The following SH3GLB1 variants were observed in gnomAD, a reference collection of about 807,000 sequenced individuals.
SH3GLB1 encodes the protein endophilin-B1.
In SH3GLB1, 17 loss-of-function variants were observed where a neutral mutation model predicts 42.0. The ratio of observed to expected loss-of-function variants is 0.40; its 90% CI spans 0.28 to 0.61. SH3GLB1 has a LOEUF of 0.61. SH3GLB1 is among the 20% of genes least tolerant of loss of function. The pLI, the probability that SH3GLB1 is intolerant of heterozygous loss-of-function variation, is 0.36. For synonymous variants in SH3GLB1, 132 were observed against 146.6 expected (o/e 0.90, Z 0.72); for missense variants, 355 against 426.3 (o/e 0.83, Z 1.47).
At chr1:86,733,307 C>T in intron 5 of SH3GLB1, among the ~76,000 whole-genome samples, 1 of 152,168 alleles carries the variant, frequency 6.6e-6, no homozygotes, top group East Asian at 1.9e-4. Context: ...GTTACAGCAA[C>T]TGATTATCTA....
chr1:86,713,252 T>C lies in SH3GLB1; in HGVS notation c.73-2472T>C, dbSNP rs187661774. Reference sequence around the variant, plus strand: ...GCACCACCATACCTGGCTAATTTTTTGGATTTTTTTGTAGAGACGTGGTTT... The same window carrying C: ...GCACCACCATACCTGGCTAATTTTTCGGATTTTTTTGTAGAGACGTGGTTT... On this transcript the variant is annotated intron_variant, in intron 1 of 8. Transcript: ENST00000370558. Among the ~76,000 whole-genome samples, 1,079 of 152,194 alleles carry C rather than the reference T, an allele frequency of 7.1e-3. 11 individuals are homozygous for C. Among genetic ancestry groups the C allele is most frequent in the Non-Finnish European group, 7.4e-3 (500 of 68,014 alleles).
intron 5 of SH3GLB1, among the ~76,000 whole-genome samples, chr1:86,724,796 T>C (rs1655066414): frequency 6.7e-6 from 1 of 148,284 alleles, no homozygotes; most frequent in Non-Finnish European, 1.5e-5. Flanking sequence ...ATCTCTTGAG[T>C]GTGGGAGGTG....
At position 86,719,408 on chromosome 1, in the gene SH3GLB1, C is replaced by T; in HGVS notation, c.215-99C>T. ...AGATATGTGCTTGAATGAATGCTAA[C>T]TTTAGGAGATGATAAATGGCTGCTG... On this transcript the variant is annotated intron_variant, in intron 2 of 8. Transcript: ENST00000370558. The T allele has an allele frequency of 5.1e-6, 5 of 988,680 alleles. No homozygotes were observed. The Middle Eastern group carries it at 1.2e-3, about 238-fold the overall frequency. The allele number at this position is 988,680 out of a possible 1,614,324, so 61.2% of individuals were successfully genotyped here. A position where few individuals can be genotyped will look rare whatever the true frequency, so the allele number is the denominator to read the frequency against.
Position 86,704,789 on chromosome 1 carries a change from C to T in SH3GLB1, c.-111C>T, listed in dbSNP as rs1653716284. The T allele has an allele frequency of 1.7e-6, 1 of 583,468 alleles. No homozygotes were observed. Among genetic ancestry groups the T allele is most frequent in the Non-Finnish European group, 2.9e-6 (1 of 347,436 alleles). The allele number at this position is 583,468 out of a possible 1,614,324, so 36.1% of individuals were successfully genotyped here. ...CGGCTGCGGGGCTGGCGCCGCCTCC[C>T]TCCACCTACCACGTCTGCCCTCGCC... On this transcript the variant is annotated 5_prime_UTR_variant, in exon 1 of 9. Coordinates refer to ENST00000370558, the MANE Select transcript of SH3GLB1 (RefSeq NM_016009.5).
Position 86,724,913 on chromosome 1 carries a change from A to AT in SH3GLB1, c.570+508_570+509insT, listed in dbSNP as rs1553208269. 1.5e-3 allele frequency among the ~76,000 whole-genome samples: 188 copies of AT among 122,384 alleles called. 1 individual carries two copies. The highest frequency in any genetic ancestry group is 4.4e-3 in the East Asian group (21 of 4,792). The allele number at this position is 122,384 out of a possible 152,430, so 80.3% of individuals were successfully genotyped here. A position where few individuals can be genotyped will look rare whatever the true frequency, so the allele number is the denominator to read the frequency against. On this transcript the variant is annotated intron_variant, in intron 5 of 8. Transcript: ENST00000370558. Reference sequence around the variant, plus strand: ...AAAAAATATATATATATATATATATAAAATATATAATATATATGTGTGTGT... The same window carrying AT: ...AAAAAATATATATATATATATATATATAAATATATAATATATATGTGTGTGT...
chr1:86,734,056 A>T (rs1040262496), intron 5 of SH3GLB1, among the ~76,000 whole-genome samples: 1 of 152,180 alleles, frequency 6.6e-6, no homozygotes, highest in Non-Finnish European at 1.5e-5. Flanking sequence ...TGTAGGACAA[A>T]GAATCCTTTG....
At position 86,724,874 on chromosome 1, in the gene SH3GLB1, TAAAAA is replaced by T. The variant is rs1165438979; in HGVS notation, c.570+484_570+488del. ...GGGCAACAGAGCCAGACCCTGTCTT[TAAAAA>T]AAAAAAAAAAAAAATATATATATAT... On this transcript the variant is annotated intron_variant, in intron 5 of 8. Transcript: ENST00000370558. 5.0e-3 allele frequency among the ~76,000 whole-genome samples: 490 copies of T among 97,884 alleles called. 25 individuals carry two copies. The highest frequency in any genetic ancestry group is 0.023 in the African/African-American group (466 of 20,240). 64.2% of individuals were successfully genotyped at this position (97,884 alleles called of 152,430 possible). A position where few individuals can be genotyped will look rare whatever the true frequency, so the allele number is the denominator to read the frequency against.
At chr1:86,719,264 A>T (rs891782122) in intron 2 of SH3GLB1, among the ~76,000 whole-genome samples, 1 of 152,212 alleles carries the variant, frequency 6.6e-6, no homozygotes, top group African/African-American at 2.4e-5. Flanking sequence ...TAGAATACTC[A>T]AATAATAATT....
In SH3GLB1 at chr1:86,726,346, T is replaced by C. The variant is rs538265817; in HGVS notation, c.570+1941T>C. Among the ~76,000 whole-genome samples the C allele has an allele frequency of 3.1e-4, 47 of 152,204 alleles. 1 individual carries two copies. The South Asian group carries it at 8.7e-3, about 28-fold the overall frequency. On this transcript the variant is annotated intron_variant, in intron 5 of 8. Transcript: ENST00000370558. Reference sequence around the variant, plus strand: ...TTTAACAGTGTACAAAGTCCTTTAATATTTCTAAATTATTTTACCACTGCT... The same window carrying C: ...TTTAACAGTGTACAAAGTCCTTTAACATTTCTAAATTATTTTACCACTGCT...
chr1:86,717,992 A>T (rs1558303909), intron 2 of SH3GLB1, among the ~76,000 whole-genome samples: 2 of 152,054 alleles, frequency 1.3e-5, no homozygotes, highest in Admixed American at 6.5e-5. Flanking sequence ...TTTTGGCCAG[A>T]TAGGTGGAAA....
intron 1 of SH3GLB1, among the ~76,000 whole-genome samples, chr1:86,707,954 G>A (rs1015974035): frequency 3.3e-5 from 5 of 151,914 alleles, no homozygotes; most frequent in Admixed American, 6.6e-5. Context: ...TGAGATTAGC[G>A]TTTGAATATT....
intron 2 of SH3GLB1, among the ~76,000 whole-genome samples, chr1:86,717,251 A>G (rs1247837633): frequency 6.6e-6 from 1 of 152,242 alleles, no homozygotes; most frequent in Non-Finnish European, 1.5e-5. Context: ...ATTAAAAGTA[A>G]TAGACATTTT....
intron 5 of SH3GLB1, chr1:86,728,580 T>G: frequency 1.6e-6 from 1 of 628,964 alleles, no homozygotes; most frequent in Non-Finnish European, 2.6e-6. Flanking sequence ...ATTGGAACCA[T>G]GTATTCATTT....
At chr1:86,710,693 A>T (rs965664780) in intron 1 of SH3GLB1, among the ~76,000 whole-genome samples, 1 of 152,226 alleles carries the variant, frequency 6.6e-6, no homozygotes, top group Non-Finnish European at 1.5e-5. Flanking sequence ...TAAGTCAATT[A>T]CTTTAATATT....
chr1:86,704,635 C>G lies in SH3GLB1; in HGVS notation c.-265C>G. 3.0e-6 allele frequency: 1 copy of G among 337,180 alleles called. No homozygotes were observed. The highest frequency in any genetic ancestry group is 4.0e-5 in the South Asian group (1 of 24,706). The allele number at this position is 337,180 out of a possible 1,614,324, so 20.9% of individuals were successfully genotyped here. A position where few individuals can be genotyped will look rare whatever the true frequency, so the allele number is the denominator to read the frequency against. ...GTCGCCCGTCCATCTCCGGCTCGCCCGCGGGGCCCATCGTCGACGTTAGCG... is the reference window on the plus strand; with the variant it reads ...GTCGCCCGTCCATCTCCGGCTCGCCGGCGGGGCCCATCGTCGACGTTAGCG... On this transcript the variant is annotated 5_prime_UTR_variant, in exon 1 of 9. Coordinates refer to ENST00000370558, the MANE Select transcript of SH3GLB1 (RefSeq NM_016009.5).
intron 5 of SH3GLB1, chr1:86,730,159 C>T (rs781183886): frequency 2.6e-5 from 41 of 1,557,904 alleles, no homozygotes; most frequent in Admixed American, 1.9e-4. Context: ...ATTTAGTTGA[C>T]GTTGATTCAG....
chr1:86,706,631 C>T (rs962671504), intron 1 of SH3GLB1, among the ~76,000 whole-genome samples: 5 of 152,198 alleles, frequency 3.3e-5, no homozygotes, highest in African/African-American at 1.2e-4. Context: ...TTAACATTGA[C>T]TGCAATAGAG....
intron 7 of SH3GLB1, among the ~76,000 whole-genome samples, chr1:86,740,819 T>G (rs1254672043): frequency 6.6e-6 from 1 of 152,000 alleles, no homozygotes; most frequent in Non-Finnish European, 1.5e-5. Flanking sequence ...AAGTAAGAGA[T>G]AATGTCAGTG....
chr1:86,724,512 G>C, intron 5 of SH3GLB1, 107 bp downstream of exon 5: 2 of 884,184 alleles, frequency 2.3e-6, no homozygotes, highest in Non-Finnish European at 3.4e-6. Context: ...TCTTGTTTTT[G>C]TGCTTTCTAA....
Sources: allele counts gnomAD v4.1 joint callset (sites outside exome capture counted in the v4.1 genomes callset), GRCh38; gene constraint gnomAD v4.1.1; transcripts MANE v1.5; gene names NCBI Gene and HGNC (gene_info 2026-07-23, HGNC 2026-07-21).